Variants in IAH1 observed in about 807,000 individuals in gnomAD.
IAH1 encodes the protein isoamyl acetate hydrolyzing esterase 1 (putative), also known as isoamyl acetate-hydrolyzing esterase 1 homolog.
IAH1 carries 24 observed loss-of-function variants against 26.7 expected under a neutral mutation model. The observed-to-expected ratio is 0.90, with a 90% confidence interval of 0.65 to 1.26. IAH1 has a LOEUF of 1.26. IAH1 is among the 50% of genes most tolerant of loss of function. The pLI is 0.00. For missense variants in IAH1, 300 were observed against 299.9 expected, an observed-to-expected ratio of 1.00 and a Z score of 0.00; for synonymous variants, 140 against 118.5, an observed-to-expected ratio of 1.18 and a Z score of -1.18.
At chr2:9,504,678 C>T in the IAH1 span, among the ~76,000 whole-genome samples, 1 of 150,058 alleles carries the variant, frequency 6.7e-6, no homozygotes, top group South Asian at 2.1e-4. Flanking sequence ...AGGGGAATCA[C>T]TTGAACCCGG....
the IAH1 span, chr2:9,502,125 A>G: frequency 6.7e-7 from 1 of 1,493,464 alleles, no homozygotes; most frequent in Non-Finnish European, 9.3e-7. Context: ...TCAAAGACAC[A>G]CACACACTTG....
Position 9,488,780 on chromosome 2 carries a change from A to G in IAH1, c.*451A>G, listed in dbSNP as rs942096513. On this transcript the variant is annotated 3_prime_UTR_variant, in exon 6 of 6. Coordinates refer to ENST00000497473, the MANE Select transcript of IAH1 (RefSeq NM_001039613.3). ...AAGTTCAAGTATTAGTATAACAAGT[A>G]TCTGAGTAACAAATGTCCTTGGAAA... 6.6e-6 allele frequency: 1 copy of G among 152,420 alleles called. No individual in the cohort carries two copies. Among genetic ancestry groups the G allele is most frequent in the Non-Finnish European group, 1.5e-5 (1 of 68,172 alleles). 9.4% of individuals were successfully genotyped at this position (152,420 alleles called of 1,614,324 possible). A position where few individuals can be genotyped will look rare whatever the true frequency, so the allele number is the denominator to read the frequency against.
the IAH1 span, among the ~76,000 whole-genome samples, chr2:9,507,585 C>T: frequency 1.1e-4 from 16 of 152,038 alleles, no homozygotes; most frequent in African/African-American, 3.9e-4. Flanking sequence ...ACTTGGGCAA[C>T]CAAACTAGAA....
chr2:9,495,711 C>CA (rs367778507), intron 6 of IAH1, among the ~76,000 whole-genome samples: 20,002 of 140,334 alleles, frequency 0.14, 3,918 homozygotes, highest in African/African-American at 0.44. Flanking sequence ...GACTCCATCT[C>CA]AAAAAAAAAA....
At chr2:9,478,635 G>A (rs1352090576) in intron 3 of IAH1, among the ~76,000 whole-genome samples, 1 of 152,152 alleles carries the variant, frequency 6.6e-6, no homozygotes, top group Non-Finnish European at 1.5e-5. Flanking sequence ...TGCTAAGTTT[G>A]TAATGTGTTC....
chr2:9,496,840 C>G (rs1050231341), downstream of IAH1, among the ~76,000 whole-genome samples: 5 of 152,294 alleles, frequency 3.3e-5, no homozygotes, highest in African/African-American at 1.2e-4. Context: ...CCACTCACCC[C>G]CAACAAAATT....
the IAH1 span, among the ~76,000 whole-genome samples, chr2:9,503,202 C>T: frequency 6.6e-6 from 1 of 151,296 alleles, no homozygotes. Context: ...CAATCCATAG[C>T]TAAGACACTC....
At chr2:9,493,773 A>G, downstream of IAH1, 2 of 1,614,106 alleles carry the variant, frequency 1.2e-6, no homozygotes, top group South Asian at 1.1e-5. Flanking sequence ...CAGCTGGTCA[A>G]TGAAATCCCA....
chr2:9,502,339 G>A, the IAH1 span: 12 of 1,408,796 alleles, frequency 8.5e-6, no homozygotes, highest in East Asian at 1.8e-4. Context: ...CAAATCAAAC[G>A]CTACAGTTAC....
chr2:9,497,284 G>A (rs1302373610), downstream of IAH1: 10 of 1,612,008 alleles, frequency 6.2e-6, no homozygotes, highest in Non-Finnish European at 7.6e-6. Context: ...AAAAGAATGA[G>A]TCACAGGTCC....
chr2:9,497,080 C>T (rs1183626845), downstream of IAH1: 1 of 1,605,046 alleles, frequency 6.2e-7, no homozygotes. Context: ...GCCATGTTTT[C>T]TCCTGCTGCT....
In IAH1 at chr2:9,484,527, T is replaced by C. The variant is rs1572848112; in HGVS notation, c.541T>C (p.Trp181Arg). Residue 181 changes from tryptophan (W) to arginine (R), a missense_variant, in exon 5 of 6, where the codon TGG (tryptophan) becomes CGG (arginine). By Grantham distance (101) the Trp-to-Arg change is moderately radical. Transcript: ENST00000497473. Reference protein sequence around the residue: ...QDCGTDVLDLWTLMQDSQDFS... With the variant: ...QDCGTDVLDLRTLMQDSQDFS... ...CTGTGGGACTGACGTACTTGACCTG[T>C]GGACCCTGATGCAGGACAGCCAGGT... 6.2e-7 allele frequency: 1 copy of C among 1,613,584 alleles called. No individual in the cohort carries two copies. Among genetic ancestry groups the C allele is most frequent in the Non-Finnish European group, 8.5e-7 (1 of 1,179,482 alleles).
chr2:9,511,152 T>TA, the IAH1 span, among the ~76,000 whole-genome samples: 25 of 149,592 alleles, frequency 1.7e-4, no homozygotes, highest in East Asian at 9.8e-4. Flanking sequence ...AAGCAAGGGG[T>TA]AAAAAAAACA....
At chr2:9,491,540 C>T (rs1316994353), downstream of IAH1, among the ~76,000 whole-genome samples, 1 of 152,208 alleles carries the variant, frequency 6.6e-6, no homozygotes, top group Non-Finnish European at 1.5e-5. Flanking sequence ...GTAGGAAGAC[C>T]CAGGTGGCTG....
the IAH1 span, chr2:9,505,477 G>T: frequency 2.6e-6 from 3 of 1,137,580 alleles, no homozygotes; most frequent in African/African-American, 1.5e-5. Context: ...CACCATCAGA[G>T]CCACCCTGGA....
chr2:9,475,963 A>G (rs756211470), intron 1 of IAH1, 24 bp from the exon 2 acceptor site: 24 of 1,609,094 alleles, frequency 1.5e-5, no homozygotes, highest in Non-Finnish European at 2.0e-5. Context: ...CATTAGTAGT[A>G]ATAATGGGCT....
chr2:9,494,165 T>C (rs1263908903), downstream of IAH1, among the ~76,000 whole-genome samples: 1 of 152,134 alleles, frequency 6.6e-6, no homozygotes, highest in African/African-American at 2.4e-5. Context: ...TGAAGCCTCG[T>C]AAATCTTAAA....
chr2:9,474,429 C>A, upstream of IAH1: 2 of 462,082 alleles, frequency 4.3e-6, no homozygotes, highest in Non-Finnish European at 7.4e-6. The surrounding 1 kb of genome is among the most constrained non-coding windows in gnomAD (Gnocchi z 4.3). Context: ...CAAACGGACT[C>A]CAAGGGGCAA....
chr2:9,492,746 CAT>C (rs1367144146), downstream of IAH1: 1 of 562,440 alleles, frequency 1.8e-6, no homozygotes, highest in Non-Finnish European at 3.1e-6. Context: ...TTCTACAAGA[CAT>C]GTTCCCCTAG....
Sources: gnomAD v4.1 joint callset for allele counts (sites outside exome capture counted in the v4.1 genomes callset) on GRCh38, gnomAD v4.1.1 for gene constraint, Gnocchi (gnomAD v3.1) non-coding constraint, MANE v1.5 for transcripts, NCBI Gene and HGNC (gene_info 2026-07-23, HGNC 2026-07-21) for gene names.